The following CRADD variants were observed in gnomAD, a reference collection of about 807,000 sequenced individuals.
CRADD encodes CARD and death domain containing adaptor protein.
A neutral mutation model predicts 15.5 loss-of-function variants in CRADD; 9 were observed. That is an observed-to-expected ratio of 0.58 (90% CI 0.35 to 1.01). CRADD has a LOEUF of 1.01. Ranked by LOEUF, CRADD falls within the 50% of genes least tolerant of loss-of-function variation. The pLI is 0.02. For synonymous variants in CRADD, 118 were observed against 107.6 expected, an observed-to-expected ratio of 1.10 and a Z score of -0.60; for missense variants, 227 against 250.3, an observed-to-expected ratio of 0.91 and a Z score of 0.63.
rs147581583 is a variant in CRADD, at chr12:93,678,884, C to T, written c.110C>T (p.Thr37Met). 1.8e-4 allele frequency: 297 copies of T among 1,614,170 alleles called. No homozygotes were observed. The highest frequency in any genetic ancestry group is 4.9e-4 in the African/African-American group (37 of 75,040). ...LQYLYQEGIL[T>M]ENHIQEINAQ... ...TACCTCTACCAGGAAGGAATCTTGA[C>T]GGAAAACCATATTCAAGAAATCAAT... Residue 37 changes from threonine (T) to methionine (M), a missense_variant, in exon 2 of 3, where the codon ACG becomes ATG. Thr to Met is a moderately conservative substitution (Grantham distance 81). Transcript: ENST00000332896.
At chr12:93,857,816 A>C (rs1386453859) in intron 2 of CRADD, among the ~76,000 whole-genome samples, 1 of 152,346 alleles carries the variant, frequency 6.6e-6, no homozygotes, top group South Asian at 2.1e-4. Flanking sequence ...TTCTGCCTCC[A>C]CATCATCTCT....
chr12:93,761,562 A>G (rs938007025), intron 2 of CRADD, among the ~76,000 whole-genome samples: 1 of 152,270 alleles, frequency 6.6e-6, no homozygotes, highest in East Asian at 1.9e-4. Context: ...AAGGTGGTAC[A>G]GGTGGGAGGA....
chr12:93,797,361 G>A (rs1032654593), intron 2 of CRADD, among the ~76,000 whole-genome samples: 1 of 152,172 alleles, frequency 6.6e-6, no homozygotes, highest in African/African-American at 2.4e-5. Flanking sequence ...ATGTAGTGTG[G>A]AGTGGATTTC....
At chr12:93,731,577 T>G (rs143933048) in intron 2 of CRADD, among the ~76,000 whole-genome samples, 1 of 152,220 alleles carries the variant, frequency 6.6e-6, no homozygotes, top group African/African-American at 2.4e-5. Flanking sequence ...TGTATCCTTC[T>G]CCATAGATAC....
chr12:93,763,853 G>T (rs536038974), intron 2 of CRADD, among the ~76,000 whole-genome samples: 25 of 152,190 alleles, frequency 1.6e-4, no homozygotes, highest in Non-Finnish European at 4.4e-5. Context: ...GGATGGTGAT[G>T]ATCCACTGGC....
At chr12:93,884,725 G>A (rs546402907) in intron 2 of CRADD, among the ~76,000 whole-genome samples, 10 of 152,256 alleles carry the variant, frequency 6.6e-5, no homozygotes, top group Admixed American at 2.6e-4. Flanking sequence ...GTGCCCGTGA[G>A]CCTAATCTTT....
chr12:93,755,820 A>G (rs771988231), intron 2 of CRADD, among the ~76,000 whole-genome samples: 2 of 152,222 alleles, frequency 1.3e-5, no homozygotes, highest in Non-Finnish European at 2.9e-5. Flanking sequence ...TAGAAAGTAA[A>G]TAACTTTGTT....
chr12:93,746,188 A>C (rs186413911), intron 2 of CRADD, among the ~76,000 whole-genome samples: 1 of 152,358 alleles, frequency 6.6e-6, no homozygotes, highest in East Asian at 1.9e-4. Context: ...AAAATGATTA[A>C]AGAAGATTGG....
chr12:93,893,416 G>A (rs1958590504), intron 2 of CRADD, among the ~76,000 whole-genome samples: 1 of 151,806 alleles, frequency 6.6e-6, no homozygotes, highest in South Asian at 2.1e-4. Flanking sequence ...AAAAATTGAA[G>A]CCTCTTTCAA....
intron 2 of CRADD, among the ~76,000 whole-genome samples, chr12:93,885,350 A>C (rs965927588): frequency 3.3e-5 from 5 of 152,206 alleles, no homozygotes; most frequent in African/African-American, 9.6e-5. Flanking sequence ...CAAACACAGG[A>C]GGGAACTTGG....
intron 2 of CRADD, among the ~76,000 whole-genome samples, chr12:93,680,626 A>G (rs568580327): frequency 6.6e-6 from 1 of 152,330 alleles, no homozygotes; most frequent in Non-Finnish European, 1.5e-5. Context: ...TAAATACTCC[A>G]CATGTCTGAA....
intron 2 of CRADD, chr12:93,848,557 T>G (rs748871645): frequency 1.3e-5 from 2 of 152,236 alleles, no homozygotes; most frequent in Non-Finnish European, 2.9e-5. Context: ...ATGTTTGGAG[T>G]CCGTCTCAAT....
chr12:93,736,712 T>C (rs1196488912), intron 2 of CRADD, among the ~76,000 whole-genome samples: 1 of 152,228 alleles, frequency 6.6e-6, no homozygotes, highest in Non-Finnish European at 1.5e-5. Flanking sequence ...CAGATTAGTG[T>C]CACCAGTTTT....
At chr12:93,751,999 A>T (rs936082067) in intron 2 of CRADD, among the ~76,000 whole-genome samples, 1 of 152,244 alleles carries the variant, frequency 6.6e-6, no homozygotes, top group African/African-American at 2.4e-5. Flanking sequence ...GGGTGGAGGT[A>T]GTCGGGCCGG....
At position 93,782,308 on chromosome 12, in the gene CRADD, C is replaced by T. The variant is rs372226362; in HGVS notation, c.299-67662C>T. Among the ~76,000 whole-genome samples, 60 of 130,836 alleles carry T rather than the reference C, an allele frequency of 4.6e-4. 1 individual carries two copies. The East Asian group carries it at 0.011, about 25-fold the overall frequency. 85.8% of individuals were successfully genotyped at this position (130,836 alleles called of 152,430 possible). On this transcript the variant is annotated intron_variant, in intron 2 of 2. Coordinates refer to ENST00000332896, the MANE Select transcript of CRADD (RefSeq NM_003805.5). ...ATTGAACAATGAGAACACATGGACACAGGAAGGGGAACATCACACACCGGG... is the reference window on the plus strand; with the variant it reads ...ATTGAACAATGAGAACACATGGACATAGGAAGGGGAACATCACACACCGGG...
chr12:93,798,295 TGCCCTAGATATAGTAGAA>T (rs1314413742), intron 2 of CRADD, among the ~76,000 whole-genome samples: 1 of 152,190 alleles, frequency 6.6e-6, no homozygotes, highest in Non-Finnish European at 1.5e-5. Context: ...TTGGGGACAC[TGCCCTAGATATAGTAGAA>T]GCAGAAGTAT....
chr12:93,792,510 C>T lies in CRADD; in HGVS notation c.299-57460C>T. ...TAGCCACCATTTATGGTATTTAGAT[C>T]TACCACTTAGGAAGATTTCAGTCAT... On this transcript the variant is annotated intron_variant, in intron 2 of 2. Coordinates refer to ENST00000332896, the MANE Select transcript of CRADD (RefSeq NM_003805.5). Among the ~76,000 whole-genome samples the T allele has an allele frequency of 2.6e-5, 4 of 152,060 alleles. No individual in the cohort carries two copies. In the Middle Eastern group the frequency reaches 0.01, roughly 388 times the overall value.
chr12:93,809,547 G>A (rs573168250), intron 2 of CRADD, among the ~76,000 whole-genome samples: 42 of 152,256 alleles, frequency 2.8e-4, no homozygotes, highest in African/African-American at 7.2e-4. Context: ...CCTTCCTTCT[G>A]TCATGCTATA....
chr12:93,840,297 A>G (rs1302417006), intron 2 of CRADD, among the ~76,000 whole-genome samples: 2 of 152,120 alleles, frequency 1.3e-5, no homozygotes, highest in Non-Finnish European at 2.9e-5. Flanking sequence ...GTCTTTATTA[A>G]CTTCATAGAT....
Sources: allele counts gnomAD v4.1 joint callset (sites outside exome capture counted in the v4.1 genomes callset), GRCh38; gene constraint gnomAD v4.1.1; transcripts MANE v1.5; gene names NCBI Gene and HGNC (gene_info 2026-07-23, HGNC 2026-07-21).